Variants in RAB4B observed in about 807,000 individuals in gnomAD.
RAB4B encodes RAB4B, member RAS oncogene family.
Under a neutral mutation model 28.3 loss-of-function variants are expected in RAB4B, and 15 were observed. The ratio of observed to expected loss-of-function variants is 0.53; its 90% CI spans 0.35 to 0.82. RAB4B has a LOEUF of 0.82. RAB4B is among the 40% of genes least tolerant of loss of function. The probability of loss-of-function intolerance (pLI) is 0.01; values close to 1 mark genes in which losing one functional copy is unlikely to be tolerated. For missense variants in RAB4B, 244 were observed against 288.5 expected (o/e 0.85, Z 1.12); for synonymous variants, 108 against 116.3 (o/e 0.93, Z 0.46).
At chr19:40,789,158 A>T (rs981028853) in intron 7 of RAB4B, among the ~76,000 whole-genome samples, 3 of 151,312 alleles carry the variant, frequency 2.0e-5, no homozygotes, top group Non-Finnish European at 4.4e-5. Context: ...GGCCTACTAA[A>T]ATGTTGAGAT....
chr19:40,778,550 G>C (rs1197899377), intron 1 of RAB4B, among the ~76,000 whole-genome samples, 159 bp downstream of exon 1: 1 of 152,146 alleles, frequency 6.6e-6, no homozygotes, highest in Non-Finnish European at 1.5e-5. Context: ...CTGAGGCTGA[G>C]CTTAATCGAT....
chr19:40,783,483 A>C (rs1287851525), intron 3 of RAB4B, among the ~76,000 whole-genome samples: 1 of 152,164 alleles, frequency 6.6e-6, no homozygotes, highest in Non-Finnish European at 1.5e-5. Flanking sequence ...AGACACAGAG[A>C]GAAAAACAGA....
At chr19:40,795,737 C>T (rs10413760) in intron 7 of RAB4B, among the ~76,000 whole-genome samples, 30,480 of 149,090 alleles carry the variant, frequency 0.2, 3,493 homozygotes, top group African/African-American at 0.33. Context: ...GATGGAGTTT[C>T]GCTCTTGTTG....
intron 7 of RAB4B, among the ~76,000 whole-genome samples, chr19:40,787,581 G>C (rs1295565924): frequency 6.7e-6 from 1 of 149,380 alleles, no homozygotes; most frequent in Non-Finnish European, 1.5e-5. Flanking sequence ...GGGAGGCACT[G>C]GGGGAGAGGG....
At chr19:40,790,325 ACT>A (rs1365428382) in intron 7 of RAB4B, among the ~76,000 whole-genome samples, 1 of 147,856 alleles carries the variant, frequency 6.8e-6, no homozygotes, top group African/African-American at 2.5e-5. Context: ...TCCTCCCTAG[ACT>A]CTCTGTCTTC....
chr19:40,783,598 G>GGACTT (rs1284355458), intron 3 of RAB4B, among the ~76,000 whole-genome samples, 180 bp from the exon 4 acceptor site: 1 of 151,760 alleles, frequency 6.6e-6, no homozygotes, highest in Non-Finnish European at 1.5e-5. Flanking sequence ...GAAGAGAGAG[G>GGACTT]GACTTCAAGG....
intron 5 of RAB4B, chr19:40,786,379 G>A: frequency 1.5e-5 from 6 of 406,214 alleles, no homozygotes; most frequent in South Asian, 4.2e-5. Context: ...CCAGGATAGG[G>A]GGCCACAAGA....
intron 7 of RAB4B, among the ~76,000 whole-genome samples, chr19:40,790,510 A>G (rs2083147579): frequency 6.7e-6 from 1 of 150,224 alleles, no homozygotes. Flanking sequence ...AGCTGGGACT[A>G]CAGGCACCCG....
intron 7 of RAB4B, among the ~76,000 whole-genome samples, chr19:40,787,617 A>AG (rs35706651): frequency 0.31 from 43,618 of 142,652 alleles, 7,777 homozygotes; most frequent in Admixed American, 0.43. Flanking sequence ...GGAGAGGCCC[A>AG]GGGGGGTCAG....
chr19:40,790,356 T>C (rs993560076), intron 7 of RAB4B, among the ~76,000 whole-genome samples: 20 of 145,910 alleles, frequency 1.4e-4, no homozygotes, highest in Admixed American at 2.7e-4. Flanking sequence ...GCCTCTCTCT[T>C]TTTTTTTTTT....
intron 7 of RAB4B, among the ~76,000 whole-genome samples, chr19:40,792,843 C>T (rs756330208): frequency 4.6e-4 from 70 of 151,886 alleles, no homozygotes; most frequent in Middle Eastern, 3.4e-3. Flanking sequence ...TGCAGTGGTG[C>T]GATCTTGGCT....
intron 7 of RAB4B, among the ~76,000 whole-genome samples, chr19:40,788,784 C>CTTTTTTT (rs1173685187): frequency 2.7e-4 from 23 of 84,222 alleles, no homozygotes; most frequent in African/African-American, 4.9e-4. Flanking sequence ...GACAGGGTTT[C>CTTTTTTT]TTTTTTTTTT....
At chr19:40,793,692 G>T (rs2145065991) in intron 7 of RAB4B, among the ~76,000 whole-genome samples, 1 of 150,728 alleles carries the variant, frequency 6.6e-6, no homozygotes, top group Admixed American at 6.6e-5. Flanking sequence ...TTGGGAGGCT[G>T]AGGCGGGCAG....
chr19:40,785,865 G>A (rs944206497), intron 5 of RAB4B: 4 of 156,278 alleles, frequency 2.6e-5, no homozygotes, highest in Admixed American at 1.9e-4. Context: ...ACCTCAGGAA[G>A]GTCAGGGCTT....
At chr19:40,782,020 C>CAAAAA (rs56884543) in intron 3 of RAB4B, among the ~76,000 whole-genome samples, 5 of 108,722 alleles carry the variant, frequency 4.6e-5, no homozygotes, top group Non-Finnish European at 3.6e-5. Flanking sequence ...GGCTCCGTTT[C>CAAAAA]AAAAAAAAAA....
chr19:40,790,624 C>T (rs1017800141), intron 7 of RAB4B, among the ~76,000 whole-genome samples: 3 of 149,132 alleles, frequency 2.0e-5, no homozygotes, highest in Non-Finnish European at 4.4e-5. Context: ...CCTCCTGCCT[C>T]GGCCTCCCAA....
intron 3 of RAB4B, among the ~76,000 whole-genome samples, chr19:40,782,840 C>A (rs952284425): frequency 2.1e-5 from 3 of 141,280 alleles, no homozygotes; most frequent in Non-Finnish European, 4.6e-5. Context: ...ATCAATCAAT[C>A]AATAAAAGAC....
rs991190425 is a variant in RAB4B, at chr19:40,778,269, G to T, written c.-107G>T. On this transcript the variant is annotated 5_prime_UTR_variant, in exon 1 of 8. Transcript: ENST00000357052. ...GGCGGAAGTGGCGGTGCCGGGCCCG[G>T]GGAGTAGGAAGGAGCCGGGGCTGTA... The T allele has an allele frequency of 1.2e-5, 14 of 1,120,090 alleles. No homozygotes were observed. The African/African-American group carries it at 2.3e-4, about 19-fold the overall frequency. 69.4% of individuals were successfully genotyped at this position (1,120,090 alleles called of 1,614,324 possible).
intron 2 of RAB4B, 135 bp downstream of exon 2, chr19:40,780,234 T>C: frequency 6.8e-7 from 1 of 1,462,340 alleles, no homozygotes; most frequent in Non-Finnish European, 9.2e-7. Flanking sequence ...CCTTGCTTTG[T>C]CGTATGTCCT....
Sources: allele counts gnomAD v4.1 joint callset (sites outside exome capture counted in the v4.1 genomes callset), GRCh38; gene constraint gnomAD v4.1.1; transcripts MANE v1.5; gene names NCBI Gene and HGNC (gene_info 2026-07-23, HGNC 2026-07-21).